XXYLT1: variants seen among roughly 807,000 people sequenced by gnomAD.
XXYLT1 encodes the protein UDP-xylose:alpha-xyloside alpha-1,3-xylosyltransferase.
In XXYLT1, 20 loss-of-function variants were observed where a neutral mutation model predicts 28.9. That is an observed-to-expected ratio of 0.69 (90% CI 0.49 to 1.00). The LOEUF is 1.00. XXYLT1 is among the 50% of genes least tolerant of loss of function. XXYLT1 has a pLI of 0.00. For synonymous variants in XXYLT1, 257 were observed against 253.8 expected, an observed-to-expected ratio of 1.01 and a Z score of -0.12; for missense variants, 542 against 560.1, an observed-to-expected ratio of 0.97 and a Z score of 0.33.
intron 3 of XXYLT1, among the ~76,000 whole-genome samples, chr3:195,100,598 C>T (rs570757983): frequency 2.0e-5 from 3 of 152,204 alleles, no homozygotes; most frequent in Admixed American, 6.5e-5. Context: ...GCACTCTCCC[C>T]GGCACTCTCC....
chr3:195,174,817 A>G (rs1215951821), intron 2 of XXYLT1, among the ~76,000 whole-genome samples: 3 of 147,956 alleles, frequency 2.0e-5, no homozygotes, highest in African/African-American at 7.5e-5. Context: ...GGGTCCCACT[A>G]TGTTGCCTGA....
intron 1 of XXYLT1, among the ~76,000 whole-genome samples, chr3:195,228,464 T>G (rs1724152006): frequency 1.3e-5 from 2 of 151,698 alleles, no homozygotes. Flanking sequence ...TACTGTTGGT[T>G]CTGCTTTTGG....
intron 2 of XXYLT1, among the ~76,000 whole-genome samples, chr3:195,199,757 C>T (rs1416103407): frequency 6.6e-6 from 1 of 152,126 alleles, no homozygotes; most frequent in African/African-American, 2.4e-5. Flanking sequence ...GCAGAGATTC[C>T]CCAGCCTCGC....
At chr3:195,091,916 C>T (rs1424107617) in intron 3 of XXYLT1, among the ~76,000 whole-genome samples, 1 of 37,720 alleles carries the variant, frequency 2.7e-5, no homozygotes, top group Non-Finnish European at 4.2e-5. Context: ...CATGAGTGAA[C>T]TCCCATTCAC....
intron 3 of XXYLT1, among the ~76,000 whole-genome samples, chr3:195,075,456 G>A (rs1715060714): frequency 6.6e-6 from 1 of 152,214 alleles, no homozygotes; most frequent in African/African-American, 2.4e-5. Context: ...CACATTTCCA[G>A]GCAAATAATT....
intron 3 of XXYLT1, among the ~76,000 whole-genome samples, chr3:195,072,465 C>A (rs993088944): frequency 3.3e-5 from 5 of 152,118 alleles, no homozygotes; most frequent in Non-Finnish European, 5.9e-5. Context: ...GCACTGAGCT[C>A]GCTGGGCTCA....
At chr3:195,108,029 G>A (rs1717248662) in intron 3 of XXYLT1, among the ~76,000 whole-genome samples, 2 of 152,186 alleles carry the variant, frequency 1.3e-5, no homozygotes, top group Admixed American at 1.3e-4. Flanking sequence ...CAGATGAGAA[G>A]TGGCTGGAAA....
intron 2 of XXYLT1, among the ~76,000 whole-genome samples, chr3:195,171,054 G>C (rs1162179572): frequency 6.6e-6 from 1 of 152,226 alleles, no homozygotes; most frequent in East Asian, 1.9e-4. Context: ...CAGACAATGA[G>C]GTGGAAGGTG....
At chr3:195,248,694 G>A (rs187884582) in intron 1 of XXYLT1, among the ~76,000 whole-genome samples, 201 of 152,280 alleles carry the variant, frequency 1.3e-3, no homozygotes, top group Non-Finnish European at 2.3e-3. Flanking sequence ...AAGGCGGGTG[G>A]ATAACCTGCA....
chr3:195,263,406 T>A (rs947980793), intron 1 of XXYLT1, among the ~76,000 whole-genome samples: 23 of 152,178 alleles, frequency 1.5e-4, no homozygotes, highest in African/African-American at 5.3e-4. Context: ...TATGAGCTGA[T>A]GAAGTCATTA....
At chr3:195,117,962 CTT>C (rs1016214538) in intron 3 of XXYLT1, among the ~76,000 whole-genome samples, 6 of 152,188 alleles carry the variant, frequency 3.9e-5, no homozygotes, top group Admixed American at 3.3e-4. Context: ...TTGAAAATGA[CTT>C]TTTAGTGAGT....
chr3:195,224,266 C>T (rs1723953073), intron 2 of XXYLT1, among the ~76,000 whole-genome samples: 1 of 152,216 alleles, frequency 6.6e-6, no homozygotes, highest in African/African-American at 2.4e-5. Context: ...ACTCCTTCCC[C>T]ACCTCCTGAT....
In XXYLT1 at chr3:195,260,265, G is replaced by A. The variant is rs549591621; in HGVS notation, c.504+10290C>T. Among the ~76,000 whole-genome samples, 189 of 151,288 alleles carry A rather than the reference G, an allele frequency of 1.2e-3. 1 individual carries two copies. Among genetic ancestry groups the A allele is most frequent in the African/African-American group, 4.2e-3 (176 of 41,436 alleles). On this transcript the variant is annotated intron_variant, in intron 1 of 3. Transcript: ENST00000310380. ...GCCCGTGTGTCGGCCCCGGGCGGGGGAGGGACCGCGCCGCGGAGGAGGGGC... is the reference window on the plus strand; with the variant it reads ...GCCCGTGTGTCGGCCCCGGGCGGGGAAGGGACCGCGCCGCGGAGGAGGGGC...
At position 195,255,368 on chromosome 3, in the gene XXYLT1, C is replaced by A. The variant is rs796373501; in HGVS notation, c.504+15187G>T. Reference sequence around the variant, plus strand: ...CCCACGAGCTCAGCCCCCAGCAGGACCCAGTCGGGCTGGGGACTCAGCTCC... The same window carrying A: ...CCCACGAGCTCAGCCCCCAGCAGGAACCAGTCGGGCTGGGGACTCAGCTCC... On this transcript the variant is annotated intron_variant, in intron 1 of 3. Coordinates refer to ENST00000310380, the MANE Select transcript of XXYLT1 (RefSeq NM_152531.5). The surrounding 1 kb of genome is among the most constrained non-coding windows in gnomAD (Gnocchi z 4.5). 6.6e-5 allele frequency among the ~76,000 whole-genome samples: 10 copies of A among 152,306 alleles called. No individual in the cohort carries two copies. The highest frequency in any genetic ancestry group is 2.4e-4 in the African/African-American group (10 of 41,568).
At chr3:195,224,326 C>T (rs753752643) in intron 2 of XXYLT1, among the ~76,000 whole-genome samples, 8 of 152,318 alleles carry the variant, frequency 5.3e-5, no homozygotes, top group Middle Eastern at 3.4e-3. Context: ...ACCAATGATG[C>T]GTCCATTTAC....
chr3:195,227,363 C>T (rs1466254915), intron 1 of XXYLT1, among the ~76,000 whole-genome samples: 2 of 152,174 alleles, frequency 1.3e-5, no homozygotes, highest in Admixed American at 1.3e-4. Flanking sequence ...ACAGTGTGAA[C>T]AAGGAGAGGG....
At chr3:195,262,549 A>G (rs957275405) in intron 1 of XXYLT1, among the ~76,000 whole-genome samples, 4 of 152,256 alleles carry the variant, frequency 2.6e-5, no homozygotes, top group Non-Finnish European at 5.9e-5. Flanking sequence ...TACAGGAACA[A>G]GGAACAGTCA....
intron 2 of XXYLT1, among the ~76,000 whole-genome samples, chr3:195,185,505 T>G (rs1302326393): frequency 2.7e-4 from 5 of 18,444 alleles, no homozygotes; most frequent in Non-Finnish European, 4.3e-4. Flanking sequence ...AGGGCTGGGT[T>G]TTTTTTTTTT....
At chr3:195,217,720 T>C (rs1204706319) in intron 2 of XXYLT1, among the ~76,000 whole-genome samples, 1 of 151,948 alleles carries the variant, frequency 6.6e-6, no homozygotes, top group Non-Finnish European at 1.5e-5. Context: ...ATCAATATCA[T>C]GAAAATAGCC....
Sources: gnomAD v4.1 joint callset for allele counts (sites outside exome capture counted in the v4.1 genomes callset) on GRCh38, gnomAD v4.1.1 for gene constraint, Gnocchi (gnomAD v3.1) non-coding constraint, MANE v1.5 for transcripts, NCBI Gene and HGNC (gene_info 2026-07-23, HGNC 2026-07-21) for gene names.